Variants in SGCZ observed in about 807,000 individuals in gnomAD.
The protein encoded by SGCZ is zeta-sarcoglycan.
Under a neutral mutation model 41.3 loss-of-function variants are expected in SGCZ, and 40 were observed. That is an observed-to-expected ratio of 0.97 (90% confidence interval 0.75 to 1.26). The LOEUF (loss-of-function observed/expected upper bound fraction) is 1.26, where lower values mean the gene tolerates loss of function less well. Ranked by LOEUF, SGCZ falls within the 50% of genes most tolerant of loss-of-function variation. The pLI is 0.00. For synonymous variants in SGCZ, 206 were observed against 137.5 expected, an observed-to-expected ratio of 1.50 and a Z score of -3.49; for missense variants, 552 against 369.8, an observed-to-expected ratio of 1.49 and a Z score of -4.04.
intron 2 of SGCZ, among the ~76,000 whole-genome samples, chr8:14,456,389 G>C (rs1047031172): frequency 2.6e-5 from 4 of 152,060 alleles, no homozygotes; most frequent in African/African-American, 7.2e-5. Flanking sequence ...GCCTGCGCAA[G>C]AAGAGTGAAA....
chr8:14,864,886 C>G (rs965114681), intron 1 of SGCZ, among the ~76,000 whole-genome samples: 1 of 151,810 alleles, frequency 6.6e-6, no homozygotes, highest in African/African-American at 2.4e-5. Flanking sequence ...AGATAGTATC[C>G]TATATTGGTT....
chr8:15,036,990 A>G (rs1803896946), intron 1 of SGCZ, among the ~76,000 whole-genome samples: 1 of 152,208 alleles, frequency 6.6e-6, no homozygotes. Flanking sequence ...ATGAAGAGAA[A>G]CTATAAGATA....
At chr8:14,720,188 C>A (rs1274556641) in intron 1 of SGCZ, among the ~76,000 whole-genome samples, 2 of 151,882 alleles carry the variant, frequency 1.3e-5, no homozygotes, top group Non-Finnish European at 2.9e-5. Flanking sequence ...CCTACTTGAT[C>A]AATAAATATT....
chr8:14,567,229 G>A (rs781206710), intron 1 of SGCZ, among the ~76,000 whole-genome samples: 17 of 152,210 alleles, frequency 1.1e-4, no homozygotes, highest in African/African-American at 2.7e-4. Flanking sequence ...GCAGGCGCAC[G>A]GCTTGGGACT....
Position 14,145,441 on chromosome 8 carries a change from A to G in SGCZ, c.547+19139T>C, listed in dbSNP as rs111885948. Reference sequence around the variant, plus strand: ...GATCACAACACCCAAGTCCTTTCAAATACCCGAAAGTCTTCCAGAGAAGAA... The same window carrying G: ...GATCACAACACCCAAGTCCTTTCAAGTACCCGAAAGTCTTCCAGAGAAGAA... On this transcript the variant is annotated intron_variant, in intron 5 of 7. Coordinates refer to ENST00000382080, the MANE Select transcript of SGCZ (RefSeq NM_139167.4). Among the ~76,000 whole-genome samples the G allele has an allele frequency of 4.4e-4, 67 of 152,272 alleles. 2 individuals carry two copies. Among genetic ancestry groups the G allele is most frequent in the African/African-American group, 1.5e-3 (62 of 41,566 alleles).
At chr8:14,978,654 T>C (rs1324742869) in intron 1 of SGCZ, among the ~76,000 whole-genome samples, 1 of 152,092 alleles carries the variant, frequency 6.6e-6, no homozygotes, top group East Asian at 1.9e-4. Context: ...GAAACAAGTC[T>C]TCAAATCTCA....
At chr8:14,116,068 G>C (rs1007387606) in intron 5 of SGCZ, among the ~76,000 whole-genome samples, 1 of 152,006 alleles carries the variant, frequency 6.6e-6, no homozygotes, top group African/African-American at 2.4e-5. Context: ...TGATATCAAA[G>C]TGCTTTCTAT....
intron 1 of SGCZ, among the ~76,000 whole-genome samples, chr8:14,673,237 T>C (rs1808161407): frequency 6.6e-6 from 1 of 152,214 alleles, no homozygotes; most frequent in Non-Finnish European, 1.5e-5. Context: ...ATGGTTTGGC[T>C]CTGTATCCCC....
At chr8:14,460,316 G>T (rs1800866018) in intron 2 of SGCZ, among the ~76,000 whole-genome samples, 1 of 152,130 alleles carries the variant, frequency 6.6e-6, no homozygotes, top group African/African-American at 2.4e-5. Flanking sequence ...ATCCATGATT[G>T]AAAACTCAAA....
chr8:15,078,246 G>C (rs1343855447), intron 1 of SGCZ, among the ~76,000 whole-genome samples: 1 of 129,224 alleles, frequency 7.7e-6, no homozygotes, highest in Non-Finnish European at 1.6e-5. Context: ...CATGAGACAA[G>C]AACCCAGATT....
chr8:14,532,768 A>G (rs554737377), intron 2 of SGCZ, among the ~76,000 whole-genome samples: 53 of 151,092 alleles, frequency 3.5e-4, no homozygotes, highest in African/African-American at 1.1e-3. Flanking sequence ...GAAAAAGAAG[A>G]CTAAGCTATT....
At chr8:15,136,978 T>A (rs1174172307) in intron 1 of SGCZ, among the ~76,000 whole-genome samples, 2 of 152,072 alleles carry the variant, frequency 1.3e-5, no homozygotes, top group Non-Finnish European at 2.9e-5. Flanking sequence ...GTGGGAAAGT[T>A]TGGAACTTCT....
intron 1 of SGCZ, among the ~76,000 whole-genome samples, chr8:14,593,405 T>C (rs1009071085): frequency 2.0e-5 from 3 of 152,178 alleles, no homozygotes; most frequent in African/African-American, 7.2e-5. Context: ...GGCGTCTTGA[T>C]TTTAGATGTC....
chr8:14,997,382 T>C (rs1358750507), intron 1 of SGCZ, among the ~76,000 whole-genome samples: 1 of 152,178 alleles, frequency 6.6e-6, no homozygotes, highest in Non-Finnish European at 1.5e-5. Flanking sequence ...CTTATCTGAA[T>C]CAAGATCATA....
At chr8:14,436,482 A>G (rs1464082360) in intron 2 of SGCZ, among the ~76,000 whole-genome samples, 1 of 152,200 alleles carries the variant, frequency 6.6e-6, no homozygotes, top group Admixed American at 6.5e-5. Flanking sequence ...GACACTTTTA[A>G]GGGATTTGTG....
At chr8:14,939,803 C>T (rs989784008) in intron 1 of SGCZ, among the ~76,000 whole-genome samples, 9 of 152,128 alleles carry the variant, frequency 5.9e-5, no homozygotes, top group African/African-American at 9.7e-5. Context: ...CACTCACACA[C>T]ACCACTCTCC....
rs571875985 is a variant in SGCZ at position 14,643,851 on chromosome 8, C to A, written c.40-88925G>T. ...CAGAAACCCTCTTTTCACAGCTTAA[C>A]GTGCTGAATAAATTAAGATAAAGTT... On this transcript the variant is annotated intron_variant, in intron 1 of 7. Coordinates refer to ENST00000382080, the MANE Select transcript of SGCZ (RefSeq NM_139167.4). 1.3e-5 allele frequency among the ~76,000 whole-genome samples: 2 copies of A among 151,582 alleles called. 1 individual carries two copies. Among genetic ancestry groups the A allele is most frequent in the East Asian group, 3.9e-4 (2 of 5,156 alleles).
chr8:14,274,043 G>C (rs990856959), intron 3 of SGCZ, among the ~76,000 whole-genome samples: 1 of 151,776 alleles, frequency 6.6e-6, no homozygotes, highest in Non-Finnish European at 1.5e-5. Flanking sequence ...ATTCCTCAGG[G>C]TATTGTTTTT....
intron 1 of SGCZ, among the ~76,000 whole-genome samples, chr8:14,663,345 A>G (rs1324599398): frequency 6.6e-6 from 1 of 152,160 alleles, no homozygotes; most frequent in Non-Finnish European, 1.5e-5. Flanking sequence ...GGATTCCTGT[A>G]AATGTATGCC....
Sources: allele counts gnomAD v4.1 joint callset (sites outside exome capture counted in the v4.1 genomes callset), GRCh38; gene constraint gnomAD v4.1.1; transcripts MANE v1.5; gene names NCBI Gene and HGNC (gene_info 2026-07-23, HGNC 2026-07-21).